The following SLC8A1 variants were observed in gnomAD, a reference collection of about 807,000 sequenced individuals.
SLC8A1 encodes sodium/calcium exchanger 1.
SLC8A1 carries 18 observed loss-of-function variants against 68.3 expected under a neutral mutation model. The ratio of observed to expected loss-of-function variants is 0.26; its 90% CI spans 0.18 to 0.39. SLC8A1 has a LOEUF of 0.39. Among genes scored for constraint, SLC8A1 ranks in the 10% least tolerant of loss-of-function variants. The pLI is 1.00. For synonymous variants in SLC8A1, 475 were observed against 415.5 expected (o/e 1.14, Z -1.74); for missense variants, 985 against 1,156.7 (o/e 0.85, Z 2.15).
At chr2:40,499,468 C>G (rs1470060871) in intron 1 of SLC8A1, among the ~76,000 whole-genome samples, 1 of 152,006 alleles carries the variant, frequency 6.6e-6, no homozygotes, top group East Asian at 1.9e-4. Context: ...TCCACTGTTA[C>G]CAGGAGCAAA....
chr2:40,127,327 A>G (rs1258472872), intron 7 of SLC8A1, among the ~76,000 whole-genome samples: 3 of 152,104 alleles, frequency 2.0e-5, no homozygotes, highest in African/African-American at 7.2e-5. Context: ...TCCCCAAAGC[A>G]CAGACTAAAC....
At chr2:40,349,778 T>A (rs961258147) in intron 2 of SLC8A1, among the ~76,000 whole-genome samples, 4 of 152,166 alleles carry the variant, frequency 2.6e-5, no homozygotes, top group Non-Finnish European at 5.9e-5. Context: ...AAAAATATCA[T>A]CCTTTTAATA....
chr2:40,248,377 G>A (rs367982625), intron 2 of SLC8A1, among the ~76,000 whole-genome samples: 30 of 152,144 alleles, frequency 2.0e-4, no homozygotes, highest in African/African-American at 7.2e-4. Flanking sequence ...ACTCTTAAGA[G>A]TGAGGTTAGT....
chr2:40,119,558 C>G (rs1225887106), intron 7 of SLC8A1, among the ~76,000 whole-genome samples: 1 of 152,194 alleles, frequency 6.6e-6, no homozygotes, highest in Admixed American at 6.5e-5. Flanking sequence ...ATGGTTAAAC[C>G]AGGCAAATGC....
intron 2 of SLC8A1, among the ~76,000 whole-genome samples, chr2:40,413,533 C>A (rs1477760041): frequency 6.6e-6 from 1 of 151,964 alleles, no homozygotes; most frequent in Non-Finnish European, 1.5e-5. Flanking sequence ...GCCCTTTTTT[C>A]TTAATAAAGG....
chr2:40,341,044 A>T (rs1409788229), intron 2 of SLC8A1, among the ~76,000 whole-genome samples: 2 of 152,200 alleles, frequency 1.3e-5, no homozygotes, highest in Non-Finnish European at 2.9e-5. Flanking sequence ...ACGGATGCTT[A>T]AGAGTAGAAA....
At chr2:40,258,515 G>A (rs1410801654) in intron 2 of SLC8A1, among the ~76,000 whole-genome samples, 1 of 149,678 alleles carries the variant, frequency 6.7e-6, no homozygotes, top group Non-Finnish European at 1.5e-5. Flanking sequence ...CTTGGCTAAA[G>A]TGTAAGGGCT....
intron 2 of SLC8A1, among the ~76,000 whole-genome samples, chr2:40,385,453 A>C (rs1683253993): frequency 1.5e-5 from 1 of 65,690 alleles, no homozygotes; most frequent in African/African-American, 1.9e-4. Context: ...TGTTTTTTGG[A>C]AACTGTATCA....
intron 2 of SLC8A1, 102 bp downstream of exon 3, chr2:40,178,284 AG>A: frequency 1.2e-6 from 1 of 851,688 alleles, no homozygotes; most frequent in South Asian, 1.4e-5. Flanking sequence ...ACATAGGTGG[AG>A]GGATGTGTGC....
intron 2 of SLC8A1, among the ~76,000 whole-genome samples, chr2:40,424,002 A>G (rs6737011): frequency 0.55 from 83,743 of 151,654 alleles, 24,449 homozygotes; most frequent in African/African-American, 0.75. Context: ...TCTTACATTA[A>G]TACATTACCT....
At chr2:40,370,513 C>G (rs1677685167) in intron 2 of SLC8A1, among the ~76,000 whole-genome samples, 1 of 152,068 alleles carries the variant, frequency 6.6e-6, no homozygotes, top group Non-Finnish European at 1.5e-5. Context: ...ACAGGCTAAA[C>G]TATCCTTGCG....
At chr2:40,309,405 A>G (rs1028830907) in intron 2 of SLC8A1, among the ~76,000 whole-genome samples, 1 of 152,010 alleles carries the variant, frequency 6.6e-6, no homozygotes, top group African/African-American at 2.4e-5. Context: ...GGCTGGAGCT[A>G]CCTGATTCTA....
At chr2:40,100,995 A>G (rs1355553036) in exon 8 of SLC8A1, 1 of 152,176 alleles carries the variant, frequency 6.6e-6, no homozygotes, top group East Asian at 1.9e-4. Context: ...TTGTGTATCA[A>G]AATGCATATG....
chr2:40,236,321 T>C (rs1206351931), intron 2 of SLC8A1, among the ~76,000 whole-genome samples: 1 of 152,154 alleles, frequency 6.6e-6, no homozygotes, highest in Non-Finnish European at 1.5e-5. Context: ...TAGTTAGCTC[T>C]TCTTGTTGAA....
At chr2:40,150,453 C>T (rs977904035) in intron 6 of SLC8A1, among the ~76,000 whole-genome samples, 1 of 152,162 alleles carries the variant, frequency 6.6e-6, no homozygotes, top group Non-Finnish European at 1.5e-5. Context: ...CATACAAAGG[C>T]TCCCGACTGG....
intron 2 of SLC8A1, among the ~76,000 whole-genome samples, chr2:40,361,073 T>C (rs1171488747): frequency 6.6e-6 from 1 of 151,608 alleles, no homozygotes; most frequent in Non-Finnish European, 1.5e-5. Context: ...TCAGATAGAG[T>C]AGAGAAAAGA....
intron 1 of SLC8A1, among the ~76,000 whole-genome samples, chr2:40,499,851 T>C (rs1303845153): frequency 6.6e-6 from 1 of 152,092 alleles, no homozygotes; most frequent in Non-Finnish European, 1.5e-5. Flanking sequence ...CCCAAGTCCT[T>C]GCTGGAGGAT....
chr2:40,240,804 G>T (rs1390893907), intron 2 of SLC8A1, among the ~76,000 whole-genome samples: 2 of 152,156 alleles, frequency 1.3e-5, no homozygotes, highest in Non-Finnish European at 2.9e-5. Flanking sequence ...CATGAACCTA[G>T]GAGTTCAAGG....
At chr2:40,116,880 T>C (rs2035550691) in intron 7 of SLC8A1, 1 of 152,208 alleles carries the variant, frequency 6.6e-6, no homozygotes, top group Non-Finnish European at 1.5e-5. Flanking sequence ...TCTTGATGGG[T>C]AGAACACAGG....
Sources: allele counts gnomAD v4.1 joint callset (sites outside exome capture counted in the v4.1 genomes callset), GRCh38; gene constraint gnomAD v4.1.1; transcripts MANE v1.5; gene names NCBI Gene and HGNC (gene_info 2026-07-23, HGNC 2026-07-21).